The following CNTN4 variants were observed in gnomAD, a reference collection of about 807,000 sequenced individuals.
CNTN4 encodes contactin 4, also known as contactin-4.
Under a neutral mutation model 122.5 loss-of-function variants are expected in CNTN4, and 77 were observed. The observed-to-expected ratio is 0.63, with a 90% CI of 0.52 to 0.76. The LOEUF is 0.76. Among genes scored for constraint, CNTN4 ranks in the 30% least tolerant of loss-of-function variants. CNTN4 has a pLI of 0.00. For synonymous variants in CNTN4, 512 were observed against 447.0 expected (o/e 1.15, Z -1.83); for missense variants, 1,256 against 1,259.1 (o/e 1.00, Z 0.04).
chr3:2,621,713 G>T (rs2081997405), intron 4 of CNTN4, among the ~76,000 whole-genome samples: 1 of 152,074 alleles, frequency 6.6e-6, no homozygotes. Context: ...CATGGAATGA[G>T]AACGAAATAC....
intron 4 of CNTN4, among the ~76,000 whole-genome samples, chr3:2,730,812 CCATT>C (rs2088621859): frequency 1.3e-5 from 2 of 152,090 alleles, no homozygotes; most frequent in Non-Finnish European, 1.5e-5. Context: ...CCAGCCCCAT[CCATT>C]CAGATTCTCT....
chr3:3,006,123 G>A (rs900031970), intron 14 of CNTN4, among the ~76,000 whole-genome samples: 1 of 151,958 alleles, frequency 6.6e-6, no homozygotes, highest in Non-Finnish European at 1.5e-5. Flanking sequence ...TGATCCGCCC[G>A]CCTCGGCCTC....
At chr3:2,362,084 C>A (rs1348938824) in intron 3 of CNTN4, among the ~76,000 whole-genome samples, 1 of 152,138 alleles carries the variant, frequency 6.6e-6, no homozygotes, top group African/African-American at 2.4e-5. Flanking sequence ...TAGGCATGAA[C>A]TTGGTGCATT....
intron 3 of CNTN4, among the ~76,000 whole-genome samples, chr3:2,501,082 G>C (rs1037550247): frequency 1.3e-5 from 2 of 152,080 alleles, no homozygotes; most frequent in South Asian, 2.1e-4. Flanking sequence ...ACTTCTGTTT[G>C]CTCCTGATGA....
intron 8 of CNTN4, among the ~76,000 whole-genome samples, chr3:2,867,535 C>G (rs1209122448): frequency 6.6e-6 from 1 of 152,052 alleles, no homozygotes; most frequent in African/African-American, 2.4e-5. Flanking sequence ...TAAAGACGGC[C>G]GTGTATGCCA....
chr3:2,283,927 C>T lies in CNTN4; in HGVS notation c.-144-55251C>T, dbSNP rs1002383784. The stretch of plus-strand genomic sequence containing the variant: ...TCCCTTTATGAATTTTTCATATGCT[C>T]ATCTGATGCTTGTGTGCTCTCTGCC... On this transcript the variant is annotated intron_variant, in intron 2 of 24. Coordinates refer to ENST00000418658, the MANE Select transcript of CNTN4 (RefSeq NM_175607.3). 2.6e-5 allele frequency among the ~76,000 whole-genome samples: 4 copies of T among 152,170 alleles called. 1 individual carries two copies. Among genetic ancestry groups the T allele is most frequent in the Middle Eastern group, 6.8e-3 (2 of 294 alleles).
At chr3:2,198,435 A>AT (rs2037946983) in intron 2 of CNTN4, among the ~76,000 whole-genome samples, 1 of 152,246 alleles carries the variant, frequency 6.6e-6, no homozygotes, top group East Asian at 1.9e-4. Flanking sequence ...TATCATGATG[A>AT]TTTTTACTAA....
intron 14 of CNTN4, among the ~76,000 whole-genome samples, chr3:3,016,356 A>G (rs972665051): frequency 6.6e-6 from 1 of 152,156 alleles, no homozygotes; most frequent in Non-Finnish European, 1.5e-5. Context: ...TGCTTGAGGA[A>G]GTATTCTTAT....
intron 3 of CNTN4, among the ~76,000 whole-genome samples, chr3:2,366,107 T>C (rs2045365719): frequency 6.6e-6 from 1 of 152,224 alleles, no homozygotes; most frequent in African/African-American, 2.4e-5. Flanking sequence ...TATTTTCAGC[T>C]TGTTCTTTGA....
chr3:2,345,167 T>A (rs1361939474), intron 3 of CNTN4, among the ~76,000 whole-genome samples: 1 of 152,198 alleles, frequency 6.6e-6, no homozygotes, highest in Non-Finnish European at 1.5e-5. Context: ...GTTCCATGCA[T>A]ATGCTTCTGA....
intron 4 of CNTN4, among the ~76,000 whole-genome samples, chr3:2,677,083 T>C (rs766812320): frequency 6.6e-6 from 1 of 151,946 alleles, no homozygotes; most frequent in African/African-American, 2.4e-5. Flanking sequence ...ATTAGCACAC[T>C]GGATTCTATT....
chr3:2,888,912 G>A (rs1373739309), intron 10 of CNTN4, among the ~76,000 whole-genome samples: 4 of 151,942 alleles, frequency 2.6e-5, no homozygotes, highest in Non-Finnish European at 5.9e-5. Flanking sequence ...CCTTGGAAGT[G>A]CCTGTTTACA....
At chr3:2,868,375 C>T (rs539829246) in intron 8 of CNTN4, among the ~76,000 whole-genome samples, 91 of 152,290 alleles carry the variant, frequency 6.0e-4, no homozygotes, top group Non-Finnish European at 1.0e-3. Flanking sequence ...CACAGTGCTT[C>T]GTTGCATTAT....
At chr3:2,282,675 G>A (rs1431005556) in intron 2 of CNTN4, among the ~76,000 whole-genome samples, 3 of 152,030 alleles carry the variant, frequency 2.0e-5, no homozygotes, top group Non-Finnish European at 2.9e-5. Context: ...AAAAACATAC[G>A]TTTACACAAA....
rs941367199 is a variant in CNTN4, at chr3:3,026,001, A to G, written c.1487-101A>G. 13 of 1,171,724 alleles carry G rather than the reference A, an allele frequency of 1.1e-5. No homozygotes were observed. In the South Asian group the frequency reaches 1.4e-4, roughly 13 times the overall value. The allele number at this position is 1,171,724 out of a possible 1,614,324, so 72.6% of individuals were successfully genotyped here. On this transcript the variant is annotated intron_variant, in intron 14 of 24. Transcript: ENST00000418658. ...ACAGCCTCAGAAAAAATAAAGCAAA[A>G]TTACTTAGTATTTCATCCTGCTCTT...
chr3:2,860,011 C>T (rs775031786), intron 7 of CNTN4, among the ~76,000 whole-genome samples: 9 of 152,178 alleles, frequency 5.9e-5, no homozygotes, highest in Non-Finnish European at 1.2e-4. Flanking sequence ...TCTTGCTTTT[C>T]CATACCTCCA....
intron 4 of CNTN4, among the ~76,000 whole-genome samples, chr3:2,616,086 A>G (rs1404106353): frequency 1.3e-5 from 2 of 149,976 alleles, no homozygotes; most frequent in Admixed American, 6.7e-5. Flanking sequence ...TTACATAGGT[A>G]TATGTGTGCC....
intron 1 of CNTN4, chr3:2,099,367 A>G (rs2125068957): frequency 6.6e-6 from 1 of 152,432 alleles, no homozygotes. Flanking sequence ...AGCTCCTCCG[A>G]CTGGTTCGGG....
intron 3 of CNTN4, among the ~76,000 whole-genome samples, chr3:2,530,475 A>G (rs2077557734): frequency 6.6e-6 from 1 of 151,634 alleles, no homozygotes; most frequent in Non-Finnish European, 1.5e-5. Context: ...TGCCCAGCTA[A>G]TTTTTGTATT....
Sources: allele counts gnomAD v4.1 joint callset (sites outside exome capture counted in the v4.1 genomes callset), GRCh38; gene constraint gnomAD v4.1.1; transcripts MANE v1.5; gene names NCBI Gene and HGNC (gene_info 2026-07-23, HGNC 2026-07-21).